GLG1: variants seen among roughly 807,000 people sequenced by gnomAD.
GLG1 encodes the protein golgi glycoprotein 1.
In GLG1, 38 loss-of-function variants were observed where a neutral mutation model predicts 160.5. That is an observed-to-expected ratio of 0.24 (90% CI 0.18 to 0.31). The LOEUF (loss-of-function observed/expected upper bound fraction) is 0.31. Ranked by LOEUF, GLG1 falls within the 10% of genes least tolerant of loss-of-function variation. The pLI is 1.00. For synonymous variants in GLG1, 644 were observed against 543.4 expected, an observed-to-expected ratio of 1.19 and a Z score of -2.57; for missense variants, 1,373 against 1,505.2, an observed-to-expected ratio of 0.91 and a Z score of 1.45.
chr16:74,500,835 T>G (rs1254245139), intron 4 of GLG1, among the ~76,000 whole-genome samples: 1 of 152,244 alleles, frequency 6.6e-6, no homozygotes, highest in African/African-American at 2.4e-5. Flanking sequence ...CCTTTCATTT[T>G]GACAACATTT....
chr16:74,523,537 T>C (rs559835498), intron 2 of GLG1, among the ~76,000 whole-genome samples: 58 of 152,278 alleles, frequency 3.8e-4, no homozygotes, highest in African/African-American at 1.3e-3. Flanking sequence ...TTCACATTTT[T>C]TATAACACCA....
intron 1 of GLG1, among the ~76,000 whole-genome samples, chr16:74,561,806 C>T (rs1396017895): frequency 1.3e-5 from 2 of 152,088 alleles, no homozygotes; most frequent in African/African-American, 2.4e-5. Context: ...TTCCTGAATC[C>T]GTAAATCTTC....
intron 1 of GLG1, among the ~76,000 whole-genome samples, chr16:74,557,055 G>A (rs1025118576): frequency 6.6e-5 from 10 of 152,104 alleles, no homozygotes; most frequent in South Asian, 4.1e-4. Flanking sequence ...GCAGTAGAAA[G>A]AATCTTTATA....
intron 2 of GLG1, among the ~76,000 whole-genome samples, chr16:74,522,298 T>C (rs1014352102): frequency 6.6e-6 from 1 of 152,228 alleles, no homozygotes; most frequent in Non-Finnish European, 1.5e-5. Flanking sequence ...AGAAGTAAAA[T>C]GGCTGTATCA....
rs1316720757 is a variant in GLG1 at position 74,471,269 on chromosome 16, C to T, written c.2133G>A (p.Gln711=). The change falls in exon 15 of 26, where the codon CAG becomes CAA. Residue 711 remains glutamine, a synonymous_variant. Coordinates refer to ENST00000422840, the MANE Select transcript of GLG1 (RefSeq NM_001145667.2). The stretch of plus-strand genomic sequence containing the variant: ...ACTCCATCAGGTCCCCAGAGTCTAT[C>T]TGGTTATCTGCCACATCCTGGGGAA... ...QNFCHDVADN[Q]IDSGDLMECL... The T allele has an allele frequency of 6.3e-7, 1 of 1,590,930 alleles. No individual in the cohort carries two copies. The highest frequency in any genetic ancestry group is 1.7e-5 in the Admixed American group (1 of 59,978).
chr16:74,555,355 A>C (rs2018322996), intron 1 of GLG1, among the ~76,000 whole-genome samples: 1 of 152,136 alleles, frequency 6.6e-6, no homozygotes, highest in Non-Finnish European at 1.5e-5. Context: ...AATTAACGCA[A>C]GTTTCCTTGA....
chr16:74,547,422 C>A (rs1161993036), intron 1 of GLG1, among the ~76,000 whole-genome samples: 1 of 151,964 alleles, frequency 6.6e-6, no homozygotes, highest in African/African-American at 2.4e-5. Flanking sequence ...TCAGACACAA[C>A]AAAAGTGTCT....
At chr16:74,581,189 T>C (rs1036948428) in intron 1 of GLG1, among the ~76,000 whole-genome samples, 1 of 152,196 alleles carries the variant, frequency 6.6e-6, no homozygotes, top group Non-Finnish European at 1.5e-5. Flanking sequence ...GATATTTGTA[T>C]ACCCACATTC....
rs191597666 is a variant in GLG1 at position 74,532,445 on chromosome 16, A to G, written c.439-292T>C. Among the ~76,000 whole-genome samples the G allele has an allele frequency of 8.1e-3, 1,233 of 152,242 alleles. 17 individuals are homozygous for G. Among genetic ancestry groups the G allele is most frequent in the African/African-American group, 0.028 (1,154 of 41,550 alleles). On this transcript the variant is annotated intron_variant, in intron 1 of 25. Coordinates refer to ENST00000422840, the MANE Select transcript of GLG1 (RefSeq NM_001145667.2). The stretch of plus-strand genomic sequence containing the variant: ...TGCTAAAGCAATAAATAAAGCAACA[A>G]TGACATAAGGACTCCTACAGGACAC...
chr16:74,534,444 A>G (rs1201165830), intron 1 of GLG1, among the ~76,000 whole-genome samples: 1 of 152,266 alleles, frequency 6.6e-6, no homozygotes, highest in Non-Finnish European at 1.5e-5. Context: ...AATCTTCTCT[A>G]CTTATACTCA....
chr16:74,502,643 A>C (rs998134452), intron 4 of GLG1, among the ~76,000 whole-genome samples: 4 of 150,440 alleles, frequency 2.7e-5, no homozygotes, highest in African/African-American at 9.8e-5. Flanking sequence ...TCCTGGGTTC[A>C]TGCCTTTCTT....
chr16:74,526,366 C>A (rs1165545398), intron 2 of GLG1, among the ~76,000 whole-genome samples: 2 of 145,506 alleles, frequency 1.4e-5, no homozygotes, highest in South Asian at 2.3e-4. Context: ...AACTTTGGCA[C>A]TTAGAAAAAA....
At chr16:74,550,856 G>C (rs1354310948) in intron 1 of GLG1, among the ~76,000 whole-genome samples, 2 of 152,210 alleles carry the variant, frequency 1.3e-5, no homozygotes, top group Non-Finnish European at 2.9e-5. Context: ...AAGGGCAGTA[G>C]ATGTGAGAAG....
rs71391098 is a variant in GLG1, at chr16:74,533,793, T to C, written c.439-1640A>G. The stretch of plus-strand genomic sequence containing the variant: ...GAGATTCCATCTCAAAAAAAAAGCA[T>C]AATTTATTTTGAGTTTCCATAGTAT... On this transcript the variant is annotated intron_variant, in intron 1 of 25. Transcript: ENST00000422840. Among the ~76,000 whole-genome samples, 461 of 152,200 alleles carry C rather than the reference T, an allele frequency of 3.0e-3. 4 individuals are homozygous for C. Among genetic ancestry groups the C allele is most frequent in the South Asian group, 0.011 (55 of 4,820 alleles).
intron 1 of GLG1, chr16:74,552,137 T>C (rs1386362594): frequency 6.5e-6 from 2 of 305,778 alleles, no homozygotes; most frequent in Non-Finnish European, 1.3e-5. Context: ...CACAATATTG[T>C]CTTCTACGGG....
intron 2 of GLG1, among the ~76,000 whole-genome samples, chr16:74,524,602 T>C (rs978943882): frequency 4.6e-5 from 7 of 152,068 alleles, no homozygotes; most frequent in Non-Finnish European, 7.4e-5. Flanking sequence ...TGACATGATA[T>C]GATGTCTCGG....
chr16:74,486,456 T>C (rs2015789038), intron 8 of GLG1, among the ~76,000 whole-genome samples: 2 of 152,244 alleles, frequency 1.3e-5, no homozygotes, highest in African/African-American at 4.8e-5. Flanking sequence ...TTATGGTATT[T>C]ATAATTTCCC....
At chr16:74,471,357 A>G (rs925921405) in intron 14 of GLG1, 71 bp from the exon 15 acceptor site, 2 of 850,182 alleles carry the variant, frequency 2.4e-6, no homozygotes, top group African/African-American at 1.7e-5. Context: ...CCCAGTCCGA[A>G]ACAAATGCAA....
chr16:74,573,211 C>T (rs2018886683), intron 1 of GLG1, among the ~76,000 whole-genome samples: 1 of 152,078 alleles, frequency 6.6e-6, no homozygotes, highest in African/African-American at 2.4e-5. Flanking sequence ...GACAAAAAAA[C>T]CCTGACAGTT....
Sources: gnomAD v4.1 joint callset for allele counts (sites outside exome capture counted in the v4.1 genomes callset) on GRCh38, gnomAD v4.1.1 for gene constraint, MANE v1.5 for transcripts, NCBI Gene and HGNC (gene_info 2026-07-23, HGNC 2026-07-21) for gene names.